The following SLC24A2 variants were observed in gnomAD, a reference collection of about 807,000 sequenced individuals.
SLC24A2 encodes solute carrier family 24 member 2.
In SLC24A2, 36 loss-of-function variants were observed where a neutral mutation model predicts 62.0. That is an observed-to-expected ratio of 0.58 (90% CI 0.44 to 0.77). The LOEUF (loss-of-function observed/expected upper bound fraction) is 0.77. Among genes scored for constraint, SLC24A2 ranks in the 30% least tolerant of loss-of-function variants. The pLI is 0.00. For missense variants in SLC24A2, 846 were observed against 817.9 expected (o/e 1.03, Z -0.42); for synonymous variants, 358 against 294.0 (o/e 1.22, Z -2.23).
At chr9:19,792,579 G>C (rs1410950361), upstream of SLC24A2, among the ~76,000 whole-genome samples, 1 of 151,138 alleles carries the variant, frequency 6.6e-6, no homozygotes, top group Non-Finnish European at 1.5e-5. Context: ...GTGGTGGCAG[G>C]TGCCTGTAAT....
At chr9:20,134,220 C>T in the SLC24A2 span, among the ~76,000 whole-genome samples, 2 of 152,140 alleles carry the variant, frequency 1.3e-5, no homozygotes, top group African/African-American at 4.8e-5. Flanking sequence ...AGAAGCAATG[C>T]TTCAGGTGGA....
At chr9:20,291,994 G>C in the SLC24A2 span, among the ~76,000 whole-genome samples, 22,313 of 152,096 alleles carry the variant, frequency 0.15, 2,087 homozygotes, top group East Asian at 0.28. Context: ...GACTAGAAAG[G>C]GTGTCAGGTG....
chr9:20,302,120 T>A, the SLC24A2 span, among the ~76,000 whole-genome samples: 1 of 152,234 alleles, frequency 6.6e-6, no homozygotes, highest in Non-Finnish European at 1.5e-5. Context: ...TACCACCGTT[T>A]ATTTATCTAT....
chr9:20,097,720 ATTTTTTTTTTTTTTTTT>A, the SLC24A2 span, among the ~76,000 whole-genome samples: 155 of 69,106 alleles, frequency 2.2e-3, 1 homozygote, highest in African/African-American at 6.1e-3. Flanking sequence ...ATCTTAAATA[ATTTTTTTTTTTTTTTTT>A]TTTTTTTTTT....
At chr9:19,573,278 T>C (rs1835891915) in intron 7 of SLC24A2, 73 bp downstream of exon 7, 4 of 1,003,936 alleles carry the variant, frequency 4.0e-6, no homozygotes, top group Admixed American at 3.4e-5. Context: ...AAGGAGAATA[T>C]AGGGTCTGTG....
At chr9:20,252,366 T>C in the SLC24A2 span, among the ~76,000 whole-genome samples, 2,423 of 152,292 alleles carry the variant, frequency 0.016, 68 homozygotes, top group African/African-American at 0.055. Context: ...GTAATTATTA[T>C]CCCATTTCAC....
At chr9:19,682,562 T>G (rs12004269) in intron 2 of SLC24A2, among the ~76,000 whole-genome samples, 12,222 of 152,078 alleles carry the variant, frequency 0.08, 659 homozygotes, top group Middle Eastern at 0.17. Flanking sequence ...CAGAAAACCC[T>G]GAGGAAAGGC....
chr9:19,913,030 C>G, the SLC24A2 span, among the ~76,000 whole-genome samples: 1 of 152,166 alleles, frequency 6.6e-6, no homozygotes, highest in Admixed American at 6.5e-5. Flanking sequence ...TTCTTTATAT[C>G]TCTCTGACAA....
the SLC24A2 span, among the ~76,000 whole-genome samples, chr9:20,083,409 A>C: frequency 6.6e-6 from 1 of 152,208 alleles, no homozygotes; most frequent in Non-Finnish European, 1.5e-5. Flanking sequence ...CAGGGACCTG[A>C]AAAAAGGTGG....
the SLC24A2 span, among the ~76,000 whole-genome samples, chr9:19,972,891 C>G: frequency 6.6e-6 from 1 of 152,128 alleles, no homozygotes; most frequent in African/African-American, 2.4e-5. Flanking sequence ...TAATCTAATG[C>G]CCAAATTAAT....
chr9:20,278,956 A>G, the SLC24A2 span, among the ~76,000 whole-genome samples: 1 of 152,206 alleles, frequency 6.6e-6, no homozygotes, highest in Non-Finnish European at 1.5e-5. Context: ...AGGAGGCCTC[A>G]AGGCACTTAC....
At chr9:19,619,441 G>T in intron 4 of SLC24A2, 143 bp downstream of exon 4, 1 of 770,140 alleles carries the variant, frequency 1.3e-6, no homozygotes. Flanking sequence ...CACGTCAAAG[G>T]GCCAGGGCTG....
chr9:20,243,955 G>C, the SLC24A2 span, among the ~76,000 whole-genome samples: 3 of 152,144 alleles, frequency 2.0e-5, no homozygotes, highest in African/African-American at 7.2e-5. Context: ...GGAAGGGAGT[G>C]GGGAGGAGGG....
the SLC24A2 span, among the ~76,000 whole-genome samples, chr9:19,816,761 G>T: frequency 6.6e-6 from 1 of 151,886 alleles, no homozygotes; most frequent in Non-Finnish European, 1.5e-5. Flanking sequence ...TAAACAACCA[G>T]ATCTCATGAG....
At chr9:20,259,086 G>A in the SLC24A2 span, among the ~76,000 whole-genome samples, 1 of 152,214 alleles carries the variant, frequency 6.6e-6, no homozygotes, top group African/African-American at 2.4e-5. Context: ...CAACATTGCT[G>A]GCTTCCAAGA....
At chr9:19,891,551 G>A in the SLC24A2 span, among the ~76,000 whole-genome samples, 18 of 152,092 alleles carry the variant, frequency 1.2e-4, no homozygotes, top group Admixed American at 2.6e-4. Context: ...GAGAGAGGGA[G>A]GAAGAGGAGG....
At chr9:19,776,712 G>A (rs1822856521) in intron 2 of SLC24A2, among the ~76,000 whole-genome samples, 1 of 152,190 alleles carries the variant, frequency 6.6e-6, no homozygotes, top group Admixed American at 6.5e-5. Flanking sequence ...ACTACTACAT[G>A]TAAGTCAGTT....
chr9:19,873,216 C>A, the SLC24A2 span, among the ~76,000 whole-genome samples: 1 of 151,864 alleles, frequency 6.6e-6, no homozygotes, highest in Non-Finnish European at 1.5e-5. Flanking sequence ...TCCCTCCCTC[C>A]CTCTCTCCCT....
At chr9:20,104,163 G>A in the SLC24A2 span, among the ~76,000 whole-genome samples, 2 of 152,166 alleles carry the variant, frequency 1.3e-5, no homozygotes, top group Admixed American at 1.3e-4. Context: ...ATAATAAAAA[G>A]AAATGAACAA....
Sources: gnomAD v4.1 joint callset for allele counts (sites outside exome capture counted in the v4.1 genomes callset) on GRCh38, gnomAD v4.1.1 for gene constraint, MANE v1.5 for transcripts, NCBI Gene and HGNC (gene_info 2026-07-23, HGNC 2026-07-21) for gene names.